Variants in CDKN2B-AS1 observed in about 807,000 individuals in gnomAD.
CDKN2B-AS1 encodes the protein CDKN2B and CDKN2A antisense cis and trans regulatory RNA 1.
At position 22,000,332 on chromosome 9, in the gene CDKN2B-AS1, C is replaced by T. The variant is rs1039306945; in HGVS notation, n.29+5171C>T. ...AAATGTATAATAAAGTGGTATGCTT[C>T]CCTAGAAAGGGGACGACCTTAAATC... On this transcript the variant is annotated intron_variant and non_coding_transcript_variant, in intron 1 of 4. Transcript: ENST00000650946. This position sits in a 1 kb window ranked among gnomAD's most constrained non-coding sequence, Gnocchi z 4.1. Among the ~76,000 whole-genome samples the T allele has an allele frequency of 3.3e-5, 5 of 152,094 alleles. No individual in the cohort carries two copies. Among genetic ancestry groups the T allele is most frequent in the Admixed American group, 3.3e-4 (5 of 15,272 alleles).
Position 22,039,240 on chromosome 9 carries a change from G to C in CDKN2B-AS1, n.30-7511G>C, listed in dbSNP as rs191515665. Among the ~76,000 whole-genome samples the C allele has an allele frequency of 2.7e-4, 41 of 152,042 alleles. 1 individual carries two copies. The East Asian group carries it at 7.8e-3, about 29-fold the overall frequency. ...TGGAACTAGAATCATTAATATCTCA[G>C]TCAGGGGAAGCCATGTCAACTTACT... is the stretch of plus-strand genomic sequence containing the variant. On this transcript the variant is annotated intron_variant and non_coding_transcript_variant, in intron 1 of 4. Coordinates refer to ENST00000650946, the Ensembl canonical transcript of CDKN2B-AS1. This position sits in a 1 kb window ranked among gnomAD's most constrained non-coding sequence, Gnocchi z 4.4.
chr9:22,009,041 C>G (rs138552700), intron 1 of CDKN2B-AS1: 1 of 1,578,788 alleles, frequency 6.3e-7, no homozygotes, highest in Non-Finnish European at 8.7e-7. Flanking sequence ...CCACGCTGCT[C>G]CGGCGCACTC....
chr9:22,101,665 AACAC>A (rs748040681), intron 4 of CDKN2B-AS1, among the ~76,000 whole-genome samples: 52 of 125,488 alleles, frequency 4.1e-4, no homozygotes, highest in South Asian at 1.4e-3. Flanking sequence ...AACCCTCTTC[AACAC>A]ACACACACAC....
At chr9:22,096,088 G>C (rs1825266193) in intron 4 of CDKN2B-AS1, among the ~76,000 whole-genome samples, 1 of 152,190 alleles carries the variant, frequency 6.6e-6, no homozygotes, top group Non-Finnish European at 1.5e-5. Flanking sequence ...ATAGATAGGA[G>C]ATAGGGGTAG....
chr9:22,125,073 A>G (rs1817996717), intron 4 of CDKN2B-AS1, among the ~76,000 whole-genome samples: 1 of 152,258 alleles, frequency 6.6e-6, no homozygotes, highest in African/African-American at 2.4e-5. Flanking sequence ...ACACACACAT[A>G]TGCTCACATC....
chr9:22,030,408 A>G (rs1046299148), intron 1 of CDKN2B-AS1: 3 of 152,088 alleles, frequency 2.0e-5, no homozygotes, highest in Admixed American at 2.0e-4. Context: ...CTTTTACTCT[A>G]TTTAGTTTGT....
intron 2 of CDKN2B-AS1, among the ~76,000 whole-genome samples, chr9:22,047,962 ATT>A (rs34728798): frequency 0.51 from 73,994 of 145,498 alleles, 18,837 homozygotes; most frequent in East Asian, 0.69. Context: ...TAATTTTTGT[ATT>A]TTTTTTTTTT....
At chr9:22,021,616 G>A (rs568447) in intron 1 of CDKN2B-AS1, among the ~76,000 whole-genome samples, 95,363 of 151,878 alleles carry the variant, frequency 0.63, 31,012 homozygotes, top group African/African-American at 0.81. Context: ...AGTAGTTTGT[G>A]GTTCTCCTTG....
Position 22,076,547 on chromosome 9 carries a change from T to C in CDKN2B-AS1, n.438+20160T>C, listed in dbSNP as rs1341395885. Among the ~76,000 whole-genome samples the C allele has an allele frequency of 8.5e-5, 13 of 152,244 alleles. No individual in the cohort carries two copies. In the East Asian group the frequency reaches 2.5e-3, roughly 29 times the overall value. On this transcript the variant is annotated intron_variant and non_coding_transcript_variant, in intron 4 of 4. Transcript: ENST00000650946. ...ATACAACACGGTGCTATGGGTAAAATGGTTATTACAATGAAACAAATTAAC... is the reference window on the plus strand; with the variant it reads ...ATACAACACGGTGCTATGGGTAAAACGGTTATTACAATGAAACAAATTAAC...
intron 3 of CDKN2B-AS1, among the ~76,000 whole-genome samples, chr9:22,052,759 C>G (rs1286135790): frequency 6.6e-6 from 1 of 152,230 alleles, no homozygotes; most frequent in African/African-American, 2.4e-5. Context: ...GTTGGCAACA[C>G]TTTGTTAACC....
intron 4 of CDKN2B-AS1, among the ~76,000 whole-genome samples, chr9:22,103,131 ATGTGTGTGTGTGTG>A (rs3221506): frequency 2.9e-4 from 38 of 132,518 alleles, no homozygotes; most frequent in East Asian, 6.6e-4. Flanking sequence ...TCTAGAACAG[ATGTGTGTGTGTGTG>A]TGTGTGTGTG....
intron 1 of CDKN2B-AS1, chr9:22,012,281 C>G (rs1821543036): frequency 1.4e-6 from 2 of 1,471,686 alleles, no homozygotes; most frequent in East Asian, 2.3e-5. Flanking sequence ...CAAGCAGCGT[C>G]TGATATTTGC....
intron 1 of CDKN2B-AS1, among the ~76,000 whole-genome samples, chr9:22,019,299 G>C (rs1448904354): frequency 6.6e-6 from 1 of 152,230 alleles, no homozygotes; most frequent in Non-Finnish European, 1.5e-5. Context: ...GCATTTTGGA[G>C]AATGGTTTAG....
intron 1 of CDKN2B-AS1, among the ~76,000 whole-genome samples, chr9:22,008,356 G>A (rs1821297405): frequency 6.6e-6 from 1 of 152,094 alleles, no homozygotes; most frequent in African/African-American, 2.4e-5. Context: ...CAATACAACA[G>A]ATTTCATATA....
rs962583419 is a variant in CDKN2B-AS1, at chr9:21,995,740, C to T, written n.29+579C>T. ...GGAGGAGCCGGGTCCTGAGCGCGGTCTAAGCGAGGCTCGGCTCTCGTCCAG... is the reference window on the plus strand; with the variant it reads ...GGAGGAGCCGGGTCCTGAGCGCGGTTTAAGCGAGGCTCGGCTCTCGTCCAG... On this transcript the variant is annotated intron_variant and non_coding_transcript_variant, in intron 1 of 4. Transcript: ENST00000650946. This position sits in a 1 kb window ranked among gnomAD's most constrained non-coding sequence, Gnocchi z 5.7. The T allele has an allele frequency of 6.6e-6, 1 of 152,310 alleles. No homozygotes were observed. Among genetic ancestry groups the T allele is most frequent in the Non-Finnish European group, 1.5e-5 (1 of 68,098 alleles). The allele number at this position is 152,310 out of a possible 1,614,324, so 9.4% of individuals were successfully genotyped here. A position where few individuals can be genotyped will look rare whatever the true frequency, so the allele number is the denominator to read the frequency against.
chr9:22,027,716 G>A (rs1453606101), intron 1 of CDKN2B-AS1, among the ~76,000 whole-genome samples: 4 of 152,072 alleles, frequency 2.6e-5, no homozygotes, highest in Admixed American at 2.0e-4. Flanking sequence ...AAATACATCC[G>A]TGACAAAGAG....
At chr9:22,024,550 G>C (rs1258939076) in intron 1 of CDKN2B-AS1, among the ~76,000 whole-genome samples, 2 of 152,188 alleles carry the variant, frequency 1.3e-5, no homozygotes, top group Non-Finnish European at 2.9e-5. Context: ...ATTGCTCAGG[G>C]TGTGGGAGGA....
At chr9:22,084,318 G>T (rs182546869) in intron 4 of CDKN2B-AS1, among the ~76,000 whole-genome samples, 8 of 152,270 alleles carry the variant, frequency 5.3e-5, no homozygotes, top group African/African-American at 1.9e-4. Flanking sequence ...CTTCGTAAAA[G>T]AAGCAATATA....
At chr9:22,084,572 G>A (rs190723797) in intron 4 of CDKN2B-AS1, among the ~76,000 whole-genome samples, 41 of 152,066 alleles carry the variant, frequency 2.7e-4, no homozygotes, top group South Asian at 8.3e-4. Context: ...GGTGGGCAGG[G>A]GTGTGATATG....
Sources: gnomAD v4.1 joint callset for allele counts (sites outside exome capture counted in the v4.1 genomes callset) on GRCh38, gnomAD v4.1.1 for gene constraint, Gnocchi (gnomAD v3.1) non-coding constraint, MANE v1.5 for transcripts, NCBI Gene and HGNC (gene_info 2026-07-23, HGNC 2026-07-21) for gene names.